Variants in TUT7 observed in about 807,000 individuals in gnomAD.
TUT7 encodes the protein terminal uridylyl transferase 7.
A neutral mutation model predicts 165.9 loss-of-function variants in TUT7; 33 were observed. That is an observed-to-expected ratio of 0.20 (90% CI 0.15 to 0.27). The LOEUF is 0.27. Among genes scored for constraint, TUT7 ranks in the 10% least tolerant of loss-of-function variants. The pLI, the probability that TUT7 is intolerant of heterozygous loss-of-function variation, is 1.00. For synonymous variants in TUT7, 552 were observed against 608.1 expected (o/e 0.91, Z 1.36); for missense variants, 1,338 against 1,762.3 (o/e 0.76, Z 4.31).
Position 86,301,204 on chromosome 9 carries a change from G to T in TUT7, c.4420+72C>A. 3 of 1,315,600 alleles carry T rather than the reference G, an allele frequency of 2.3e-6. No homozygotes were observed. In the South Asian group the frequency reaches 4.3e-5, roughly 19 times the overall value. The allele number at this position is 1,315,600 out of a possible 1,614,324, so 81.5% of individuals were successfully genotyped here. ...TAAAGAAATAAAGATAACTAAAATA[G>T]TAAAGAGCTCTAAAAAGCAGATTTC... On this transcript the variant is annotated intron_variant, in intron 26 of 26. Transcript: ENST00000375963.
In TUT7 at chr9:86,353,034, T is replaced by C. The variant is rs771131890; in HGVS notation, c.166A>G (p.Ile56Val). 5 of 1,614,110 alleles carry C rather than the reference T, an allele frequency of 3.1e-6. No homozygotes were observed. Among genetic ancestry groups the C allele is most frequent in the African/African-American group, 1.3e-5 (1 of 74,938 alleles). Reference sequence around the variant, plus strand: ...GTATTCCCATAGTTCCCTGGTGTTATCTTCTTTTTTTGAAGGCCCTTTTCC... The same window carrying C: ...GTATTCCCATAGTTCCCTGGTGTTACCTTCTTTTTTTGAAGGCCCTTTTCC... ...KMEKGLQKKK[I>V]TPGNYGNTPR... Residue 56 changes from isoleucine to valine, a missense_variant, in exon 2 of 27, where the codon ATA becomes GTA. This residue lies in a region of TUT7 where 434 missense variants were observed against 480.8 expected (regional missense o/e 0.90). Coordinates refer to ENST00000375963, the MANE Select transcript of TUT7 (RefSeq NM_024617.4).
chr9:86,322,945 T>C lies in TUT7; in HGVS notation c.2805A>G (p.Glu935=), dbSNP rs772669937. The C allele has an allele frequency of 6.3e-7, 1 of 1,594,552 alleles. No individual in the cohort carries two copies. The highest frequency in any genetic ancestry group is 8.6e-7 in the Non-Finnish European group (1 of 1,164,074). The change falls in exon 13 of 27, where the codon GAA becomes GAG. Residue 935 remains glutamate (E), a synonymous_variant. Coordinates refer to ENST00000375963, the MANE Select transcript of TUT7 (RefSeq NM_024617.4). ...ACTGATCCACAGGTGAATTTTTTTC[T>C]TCACATACATTTTCTTCCTTGAGAC... The part of the protein sequence containing the change: ...KISLKEENVC[E]EKNSPVDQSD...
In TUT7 at chr9:86,311,880, C is replaced by T. The variant is rs1411209524; in HGVS notation, c.3275-1071G>A. The stretch of plus-strand genomic sequence containing the variant: ...CGAGTGATCCGCCAGCCTTGGCCTC[C>T]GGAGGTGCCGGGATTGCAGACGGAG... On this transcript the variant is annotated intron_variant, in intron 17 of 26. Coordinates refer to ENST00000375963, the MANE Select transcript of TUT7 (RefSeq NM_024617.4). The surrounding 1 kb of genome is among the most constrained non-coding windows in gnomAD (Gnocchi z 4.4). Among the ~76,000 whole-genome samples the T allele has an allele frequency of 3.9e-5, 6 of 152,334 alleles. No homozygotes were observed. The highest frequency in any genetic ancestry group is 2.1e-4 in the South Asian group (1 of 4,830).
chr9:86,317,821 T>C (rs1329704112), intron 16 of TUT7, among the ~76,000 whole-genome samples: 1 of 152,176 alleles, frequency 6.6e-6, no homozygotes, highest in Non-Finnish European at 1.5e-5. Context: ...CTTAAAAACA[T>C]TTGGGCTGAC....
In TUT7 at chr9:86,348,950, C is replaced by G. The variant is rs568245265; in HGVS notation, c.521-2470G>C. ...ATGGTAAAAACTGTCAAAATCTCAC[C>G]GGAGGGACTCTTGGAGGGTAAAGCT... is the stretch of plus-strand genomic sequence containing the variant. On this transcript the variant is annotated intron_variant, in intron 2 of 26. Transcript: ENST00000375963. Among the ~76,000 whole-genome samples, 4 of 152,092 alleles carry G rather than the reference C, an allele frequency of 2.6e-5. No individual in the cohort carries two copies. The South Asian group carries it at 8.3e-4, about 32-fold the overall frequency.
At chr9:86,309,181 A>G (rs542263568) in intron 21 of TUT7, 31 bp downstream of exon 21, 3 of 1,390,362 alleles carry the variant, frequency 2.2e-6, no homozygotes, top group South Asian at 1.2e-5. Context: ...AGTCAAGGAT[A>G]TAGGAAAATC....
chr9:86,295,344 G>A (rs10868407), intron 26 of TUT7, among the ~76,000 whole-genome samples: 62,664 of 151,666 alleles, frequency 0.41, 13,258 homozygotes, highest in Middle Eastern at 0.59. Flanking sequence ...AATATTTACA[G>A]CCCCCCTCCC....
Position 86,288,324 on chromosome 9 carries a change from C to T in TUT7, c.*353G>A, listed in dbSNP as rs935759760. On this transcript the variant is annotated 3_prime_UTR_variant, in exon 27 of 27. Coordinates refer to ENST00000375963, the MANE Select transcript of TUT7 (RefSeq NM_024617.4). The stretch of plus-strand genomic sequence containing the variant: ...TTTATACGGAAAAAGGGTTAATTTA[C>T]TTGGGGTTTATCAGCACACCATTTT... The T allele has an allele frequency of 6.3e-6, 1 of 158,934 alleles. No homozygotes were observed. The highest frequency in any genetic ancestry group is 2.4e-5 in the African/African-American group (1 of 41,714). 9.8% of individuals were successfully genotyped at this position (158,934 alleles called of 1,614,324 possible).
At chr9:86,305,161 A>C (rs778812916) in intron 23 of TUT7, 31 bp downstream of exon 23, 5 of 1,563,890 alleles carry the variant, frequency 3.2e-6, no homozygotes, top group Non-Finnish European at 4.3e-6. Context: ...AAGTAAAATA[A>C]AAAATAAAAT....
At position 86,324,061 on chromosome 9, in the gene TUT7, A is replaced by G. The variant is rs185882254; in HGVS notation, c.1790-101T>C. On this transcript the variant is annotated intron_variant, in intron 12 of 26. Transcript: ENST00000375963. ...TGCTGCAGATAAAAACAGACAACAA[A>G]CAATGGTAAAATTTATCTTGCATTT... 9.6e-4 allele frequency: 1,030 copies of G among 1,075,582 alleles called. 22 individuals carry two copies. In the Admixed American group the frequency reaches 0.018, roughly 19 times the overall value. The allele number at this position is 1,075,582 out of a possible 1,614,324, so 66.6% of individuals were successfully genotyped here.
At chr9:86,337,629 T>C in intron 9 of TUT7, 91 bp from the exon 10 acceptor site, 1 of 1,400,346 alleles carries the variant, frequency 7.1e-7, no homozygotes, top group East Asian at 2.4e-5. Flanking sequence ...CTCATTCTTG[T>C]TTACTACATG....
chr9:86,309,977 A>G lies in TUT7; in HGVS notation c.3419T>C (p.Ile1140Thr). 6.2e-7 allele frequency: 1 copy of G among 1,613,964 alleles called. No individual in the cohort carries two copies. Among genetic ancestry groups the G allele is most frequent in the Non-Finnish European group, 8.5e-7 (1 of 1,179,892 alleles). ...GCACAAATACTTCACTCTGGGATCA[A>G]TGGCGGAATAAGCAGATAAAAGCCT... ...NTRLLSAYSA[I>T]DPRVKYLCYT... Residue 1140 changes from isoleucine (I) to threonine (T), a missense_variant, in exon 19 of 27, where the codon ATT becomes ACT. Coordinates refer to ENST00000375963, the MANE Select transcript of TUT7 (RefSeq NM_024617.4).
intron 10 of TUT7, 133 bp from the exon 11 acceptor site, chr9:86,328,625 G>C: frequency 1.6e-6 from 1 of 638,406 alleles, no homozygotes; most frequent in African/African-American, 1.9e-5. Flanking sequence ...GACTATCACA[G>C]AGACATCTAT....
intron 14 of TUT7, among the ~76,000 whole-genome samples, chr9:86,321,947 G>C (rs1829343003): frequency 6.6e-6 from 1 of 152,032 alleles, no homozygotes; most frequent in South Asian, 2.1e-4. Context: ...ATAGTGGCAT[G>C]CATCTGTGCT....
chr9:86,303,304 A>C, intron 24 of TUT7, 103 bp from the exon 25 acceptor site: 1 of 560,376 alleles, frequency 1.8e-6, no homozygotes, highest in Non-Finnish European at 3.2e-6. Flanking sequence ...ATGTTGATAT[A>C]ACATTACTTT....
intron 9 of TUT7, among the ~76,000 whole-genome samples, chr9:86,337,993 C>A (rs1830976518): frequency 6.6e-6 from 1 of 152,074 alleles, no homozygotes; most frequent in Non-Finnish European, 1.5e-5. Flanking sequence ...AACTCATCAC[C>A]ACTAATGGAA....
intron 10 of TUT7, among the ~76,000 whole-genome samples, chr9:86,334,603 G>C (rs1412263877): frequency 1.3e-5 from 2 of 152,152 alleles, no homozygotes; most frequent in African/African-American, 4.8e-5. Flanking sequence ...AAAAAGAATT[G>C]TTGATTTTCC....
chr9:86,345,010 T>C lies in TUT7; in HGVS notation c.964A>G (p.Ile322Val). 1 of 1,613,118 alleles carries C rather than the reference T, an allele frequency of 6.2e-7. No homozygotes were observed. Residue 322 changes from isoleucine to valine, a missense_variant, in exon 5 of 27, where the codon ATC (isoleucine) becomes GTC (valine). This residue lies in a region of TUT7 where 434 missense variants were observed against 480.8 expected (regional missense o/e 0.90). Coordinates refer to ENST00000375963, the MANE Select transcript of TUT7 (RefSeq NM_024617.4). ...TTGTGTTGGAACACATTTTCCATGA[T>C]ACGTTTAATTTCCAGCCTCTGTTCC... Reference protein sequence around the residue: ...NLEQRLEIKRIMENVFQHKLP... With the variant: ...NLEQRLEIKRVMENVFQHKLP...
intron 26 of TUT7, among the ~76,000 whole-genome samples, chr9:86,291,092 A>G (rs751226543): frequency 3.3e-5 from 5 of 152,212 alleles, no homozygotes; most frequent in Non-Finnish European, 7.3e-5. Context: ...TCAAAATTAA[A>G]AACTTTGGAA....
Sources: allele counts gnomAD v4.1 joint callset (sites outside exome capture counted in the v4.1 genomes callset), GRCh38; gene constraint gnomAD v4.1.1; regional missense constraint gnomAD v4.1.1; non-coding constraint Gnocchi (gnomAD v3.1); transcripts MANE v1.5; gene names NCBI Gene and HGNC (gene_info 2026-07-23, HGNC 2026-07-21).